The following SLC36A4 variants were observed in gnomAD, a reference collection of about 807,000 sequenced individuals.
SLC36A4 encodes the protein solute carrier family 36 member 4, also known as neutral amino acid uniporter 4.
Under a neutral mutation model 50.5 loss-of-function variants are expected in SLC36A4, and 49 were observed. The ratio of observed to expected loss-of-function variants is 0.97; its 90% CI spans 0.77 to 1.23. The LOEUF (loss-of-function observed/expected upper bound fraction) is 1.23, where lower values mean the gene tolerates loss of function less well. SLC36A4 is among the 50% of genes most tolerant of loss of function. The pLI, the probability that SLC36A4 is intolerant of heterozygous loss-of-function variation, is 0.00. For synonymous variants in SLC36A4, 207 were observed against 206.5 expected, an observed-to-expected ratio of 1.00 and a Z score of -0.02; for missense variants, 611 against 608.4, an observed-to-expected ratio of 1.00 and a Z score of -0.05.
At chr11:93,192,251 G>A (rs1862245204) in intron 1 of SLC36A4, among the ~76,000 whole-genome samples, 1 of 152,196 alleles carries the variant, frequency 6.6e-6, no homozygotes, top group African/African-American at 2.4e-5. Context: ...GAGCAGGAGT[G>A]AGCAGCGTGG....
rs1259332330 is a variant in SLC36A4, at chr11:93,167,994, T to C, written c.718A>G (p.Asn240Asp). ...KNLFVLSFLA[N>D]VSMAVSLVII... ...ACAAGACTGACAGCCATGGAAACGT[T>C]GGCAAGGAATGAAAGTACAAATAGA... The change falls in exon 7 of 11, where the codon AAC becomes GAC. Residue 240 changes from asparagine to aspartate, a missense_variant. Transcript: ENST00000326402. The C allele has an allele frequency of 7.4e-6, 12 of 1,612,360 alleles. No individual in the cohort carries two copies. The highest frequency in any genetic ancestry group is 1.6e-4 in the Middle Eastern group (1 of 6,068).
chr11:93,184,590 G>T, intron 2 of SLC36A4, 70 bp from the exon 3 acceptor site: 1 of 902,042 alleles, frequency 1.1e-6, no homozygotes, highest in Non-Finnish European at 1.8e-6. Context: ...CATGGTTTTA[G>T]TACTAGAAGG....
intron 1 of SLC36A4, among the ~76,000 whole-genome samples, chr11:93,190,430 T>C (rs1163466536): frequency 6.6e-6 from 1 of 152,158 alleles, no homozygotes; most frequent in Non-Finnish European, 1.5e-5. Flanking sequence ...GATATCCCAA[T>C]TATCCTGATT....
intron 6 of SLC36A4, among the ~76,000 whole-genome samples, chr11:93,179,708 T>C (rs1414465839): frequency 6.6e-6 from 1 of 152,182 alleles, no homozygotes; most frequent in African/African-American, 2.4e-5. Context: ...TCTAAGTGAA[T>C]GGCTCAAATA....
At chr11:93,187,172 T>C (rs971698999) in intron 1 of SLC36A4, among the ~76,000 whole-genome samples, 2 of 151,680 alleles carry the variant, frequency 1.3e-5, no homozygotes, top group Non-Finnish European at 3.0e-5. Flanking sequence ...TGCTTTTATA[T>C]GCTACTTTTG....
At chr11:93,178,686 G>C (rs1424591001) in intron 6 of SLC36A4, among the ~76,000 whole-genome samples, 17 of 152,108 alleles carry the variant, frequency 1.1e-4, no homozygotes, top group Admixed American at 1.1e-3. Context: ...ATCAGTCACG[G>C]GACATACTGT....
intron 6 of SLC36A4, among the ~76,000 whole-genome samples, chr11:93,176,180 T>C (rs1861461214): frequency 6.6e-6 from 1 of 152,094 alleles, no homozygotes; most frequent in African/African-American, 2.4e-5. Context: ...TCTTGTTGAA[T>C]TGATCCATTT....
chr11:93,197,957 C>A lies in SLC36A4; in HGVS notation c.-125G>T. ...CCGCGCCTGGTGCCCGCCTCCCTGCCCCGGCGCTCCCCAACCGCGCGGCGA... is the reference window on the plus strand; with the variant it reads ...CCGCGCCTGGTGCCCGCCTCCCTGCACCGGCGCTCCCCAACCGCGCGGCGA... On this transcript the variant is annotated 5_prime_UTR_variant, in exon 1 of 11. Coordinates refer to ENST00000326402, the MANE Select transcript of SLC36A4 (RefSeq NM_152313.4). 1.0e-6 allele frequency: 1 copy of A among 998,906 alleles called. No individual in the cohort carries two copies. Among genetic ancestry groups the A allele is most frequent in the Non-Finnish European group, 1.4e-6 (1 of 736,706 alleles). The allele number at this position is 998,906 out of a possible 1,614,324, so 61.9% of individuals were successfully genotyped here.
intron 6 of SLC36A4, among the ~76,000 whole-genome samples, chr11:93,176,443 T>C (rs1477084804): frequency 1.3e-5 from 2 of 152,198 alleles, no homozygotes; most frequent in Admixed American, 6.5e-5. Flanking sequence ...ATTTAGTCCA[T>C]TTACATTTAA....
chr11:93,167,438 G>T (rs989733010), intron 7 of SLC36A4: 1 of 152,154 alleles, frequency 6.6e-6, no homozygotes. Context: ...TGGAAACTGG[G>T]TTAAGAATCC....
chr11:93,195,649 T>A (rs541382796), intron 1 of SLC36A4, among the ~76,000 whole-genome samples: 35 of 152,304 alleles, frequency 2.3e-4, no homozygotes, highest in African/African-American at 8.2e-4. Context: ...AGGGTAAAAG[T>A]CACAGTTTAC....
chr11:93,187,786 C>T (rs1169880106), intron 1 of SLC36A4, among the ~76,000 whole-genome samples: 1 of 152,108 alleles, frequency 6.6e-6, no homozygotes, highest in East Asian at 1.9e-4. Context: ...TCTGCAGGAC[C>T]ACCAATTTTC....
intron 8 of SLC36A4, among the ~76,000 whole-genome samples, chr11:93,164,162 T>A (rs997749817): frequency 6.6e-6 from 1 of 152,188 alleles, no homozygotes; most frequent in African/African-American, 2.4e-5. Flanking sequence ...TTGCAGCCTC[T>A]CTCAGGAGAC....
chr11:93,150,465 T>C (rs1860032562), intron 10 of SLC36A4, among the ~76,000 whole-genome samples: 2 of 152,090 alleles, frequency 1.3e-5, no homozygotes, highest in South Asian at 2.1e-4. Context: ...ATGTTCCTCA[T>C]ATAACCAGAA....
At chr11:93,158,520 A>C (rs964602453) in intron 9 of SLC36A4, among the ~76,000 whole-genome samples, 1 of 152,104 alleles carries the variant, frequency 6.6e-6, no homozygotes, top group Non-Finnish European at 1.5e-5. Context: ...AATGGTGTGG[A>C]TCTTTTAGAA....
intron 1 of SLC36A4, among the ~76,000 whole-genome samples, chr11:93,186,852 C>T (rs1840353663): frequency 6.6e-6 from 1 of 152,138 alleles, no homozygotes; most frequent in South Asian, 2.1e-4. Flanking sequence ...GCAGGGCTTG[C>T]TAAAACACAC....
chr11:93,150,457 G>C (rs1311808748), intron 10 of SLC36A4, among the ~76,000 whole-genome samples: 1 of 151,928 alleles, frequency 6.6e-6, no homozygotes, highest in Non-Finnish European at 1.5e-5. Context: ...TTCCCACCAT[G>C]TTCCTCATAT....
At chr11:93,158,395 C>T (rs1398746551) in intron 9 of SLC36A4, among the ~76,000 whole-genome samples, 2 of 151,812 alleles carry the variant, frequency 1.3e-5, no homozygotes, top group Admixed American at 1.3e-4. Context: ...CATGTAAGTA[C>T]TATTACTTTT....
At chr11:93,176,659 C>T (rs1175453974) in intron 6 of SLC36A4, among the ~76,000 whole-genome samples, 1 of 152,004 alleles carries the variant, frequency 6.6e-6, no homozygotes, top group South Asian at 2.1e-4. Flanking sequence ...GACAAAATCT[C>T]TCAGCATTTG....
Sources: allele counts gnomAD v4.1 joint callset (sites outside exome capture counted in the v4.1 genomes callset), GRCh38; gene constraint gnomAD v4.1.1; transcripts MANE v1.5; gene names NCBI Gene and HGNC (gene_info 2026-07-23, HGNC 2026-07-21).